The following PLCG2 variants were observed in gnomAD, a reference collection of about 807,000 sequenced individuals.
PLCG2 encodes 1-phosphatidylinositol 4,5-bisphosphate phosphodiesterase gamma-2.
A neutral mutation model predicts 175.6 loss-of-function variants in PLCG2; 69 were observed. That is an observed-to-expected ratio of 0.39 (90% CI 0.32 to 0.48). The LOEUF (loss-of-function observed/expected upper bound fraction) is 0.48. Ranked by LOEUF, PLCG2 falls within the 20% of genes least tolerant of loss-of-function variation. PLCG2 has a pLI of 0.91. For synonymous variants in PLCG2, 827 were observed against 624.0 expected, an observed-to-expected ratio of 1.33 and a Z score of -4.85; for missense variants, 1,798 against 1,650.9, an observed-to-expected ratio of 1.09 and a Z score of -1.54.
intron 20 of PLCG2, 72 bp downstream of exon 20, chr16:81,919,736 C>A: frequency 7.7e-7 from 1 of 1,304,444 alleles, no homozygotes; most frequent in Non-Finnish European, 1.1e-6. Flanking sequence ...TTCATGAATT[C>A]AGCAAACCTC....
intron 2 of PLCG2, among the ~76,000 whole-genome samples, chr16:81,849,380 A>G (rs894884560): frequency 1.3e-5 from 2 of 152,192 alleles, no homozygotes; most frequent in Non-Finnish European, 2.9e-5. Flanking sequence ...TTGCTGGAAG[A>G]CAATGTTACC....
Position 81,934,434 on chromosome 16 carries a change from C to G in PLCG2, c.2745C>G (p.Asn915Lys). ...EITWKIDTKE[N>K]NMKYWEKNQS... Reference sequence around the variant, plus strand: ...AGACAGTGAACTCCAAACAGGAGAACAACATGAAGTACTGGGAGAAGAACC... The same window carrying G: ...AGACAGTGAACTCCAAACAGGAGAAGAACATGAAGTACTGGGAGAAGAACC... The change falls in exon 26 of 33, where the codon AAC becomes AAG. Residue 915 changes from asparagine to lysine, a missense_variant. By Grantham distance (94) the Asn-to-Lys change is moderately conservative. Coordinates refer to ENST00000564138, the MANE Select transcript of PLCG2 (RefSeq NM_002661.5). 6.2e-7 allele frequency: 1 copy of G among 1,608,318 alleles called. No individual in the cohort carries two copies. The highest frequency in any genetic ancestry group is 8.5e-7 in the Non-Finnish European group (1 of 1,175,130).
intron 2 of PLCG2, among the ~76,000 whole-genome samples, chr16:81,765,180 A>T (rs1486391272): frequency 1.3e-5 from 2 of 152,260 alleles, no homozygotes; most frequent in Non-Finnish European, 2.9e-5. Context: ...AGATGATATG[A>T]AGGCAACACA....
At chr16:81,824,036 TTCCTTTCCTTTCCTG>T (rs1904931173) in intron 2 of PLCG2, among the ~76,000 whole-genome samples, 4 of 63,236 alleles carry the variant, frequency 6.3e-5, no homozygotes, top group South Asian at 6.0e-4. Context: ...TTCCTTTCCT[TTCCTTTCCTTTCCTG>T]TCCTGTCCTG....
chr16:81,880,802 C>A, intron 7 of PLCG2, 108 bp from the exon 8 acceptor site: 1 of 924,602 alleles, frequency 1.1e-6, no homozygotes, highest in Non-Finnish European at 1.7e-6. Context: ...TTTTAATGAT[C>A]TTGTTGCATC....
chr16:81,845,628 C>G (rs529379347), intron 2 of PLCG2, among the ~76,000 whole-genome samples: 36 of 152,204 alleles, frequency 2.4e-4, no homozygotes, highest in Non-Finnish European at 4.9e-4. Flanking sequence ...AATCTTGTTC[C>G]CAGCCTCGGG....
chr16:81,895,773 C>G (rs190029688), intron 12 of PLCG2, 34 bp from the exon 13 acceptor site: 2 of 1,613,064 alleles, frequency 1.2e-6, no homozygotes, highest in Admixed American at 1.7e-5. Flanking sequence ...AGTGAACACA[C>G]GTGGTATTGA....
At chr16:81,743,626 G>T (rs565531356) in intron 1 of PLCG2, among the ~76,000 whole-genome samples, 11 of 152,334 alleles carry the variant, frequency 7.2e-5, no homozygotes, top group African/African-American at 2.6e-4. Context: ...ATTGGAACTG[G>T]TGGGTTAGGA....
intron 21 of PLCG2, among the ~76,000 whole-genome samples, chr16:81,923,180 C>CCCTAAG (rs1407950458): frequency 1.3e-5 from 2 of 152,210 alleles, no homozygotes. Flanking sequence ...CCCACCCTAA[C>CCCTAAG]CCTAAGCCTA....
upstream of PLCG2, among the ~76,000 whole-genome samples, chr16:81,777,663 A>T (rs553027971): frequency 4.4e-4 from 67 of 152,246 alleles, no homozygotes; most frequent in Middle Eastern, 3.4e-3. Context: ...GAAGTCACAA[A>T]CGAGTCCTAT....
chr16:81,853,480 G>C (rs1390972165), intron 2 of PLCG2, among the ~76,000 whole-genome samples: 1 of 152,158 alleles, frequency 6.6e-6, no homozygotes, highest in Non-Finnish European at 1.5e-5. Flanking sequence ...GGGGGCAGTG[G>C]GGGGATTGCT....
At chr16:81,950,501 C>T (rs1365513537) in intron 31 of PLCG2, among the ~76,000 whole-genome samples, 2 of 152,100 alleles carry the variant, frequency 1.3e-5, no homozygotes, top group Non-Finnish European at 2.9e-5. Context: ...AAGAAATCAG[C>T]AAAGACATAA....
upstream of PLCG2, among the ~76,000 whole-genome samples, chr16:81,778,303 G>A (rs1209430404): frequency 5.9e-5 from 9 of 152,034 alleles, no homozygotes; most frequent in African/African-American, 1.9e-4. Context: ...CCCGGAGTTC[G>A]AGGATGTGGT....
chr16:81,801,131 C>G (rs980536482), intron 2 of PLCG2, among the ~76,000 whole-genome samples: 2 of 152,144 alleles, frequency 1.3e-5, no homozygotes, highest in Non-Finnish European at 2.9e-5. Context: ...TTGAGTAAAG[C>G]TATTATGCAT....
chr16:81,927,611 C>T (rs1246442978), intron 23 of PLCG2, among the ~76,000 whole-genome samples: 2 of 152,238 alleles, frequency 1.3e-5, no homozygotes, highest in East Asian at 1.9e-4. Context: ...GGTGGTTGTT[C>T]CCTCGCCGCC....
rs115813013 is a variant in PLCG2, at chr16:81,855,607, G to A, written c.337+1020G>A. Among the ~76,000 whole-genome samples the A allele has an allele frequency of 7.4e-3, 1,125 of 152,312 alleles. 14 individuals carry two copies. Among genetic ancestry groups the A allele is most frequent in the African/African-American group, 0.026 (1,060 of 41,558 alleles). On this transcript the variant is annotated intron_variant, in intron 3 of 32. Transcript: ENST00000564138. ...AGGAAGATGAATGGGACCTGGTGCC[G>A]CCTTTAAGAAGCTCTCAGTCGACTT...
At position 81,934,518 on chromosome 16, in the gene PLCG2, C is replaced by A. The variant is rs2143721549; in HGVS notation, c.2829C>A (p.Thr943=). 1 of 1,605,454 alleles carries A rather than the reference C, an allele frequency of 6.2e-7. No individual in the cohort carries two copies. Among genetic ancestry groups the A allele is most frequent in the Non-Finnish European group, 8.5e-7 (1 of 1,172,326 alleles). The change falls in exon 26 of 33, where the codon ACC becomes ACA. Residue 943 remains threonine (T), a synonymous_variant. Transcript: ENST00000564138. ...TCTACTGCAAACCAACCAGCAAAAC[C>A]AAGGACAACTTAGGTAACATCTTTC... ...LVVYCKPTSK[T]KDNLENPDFR...
intron 19 of PLCG2, among the ~76,000 whole-genome samples, chr16:81,917,537 C>T (rs550674575): frequency 6.6e-6 from 1 of 152,288 alleles, no homozygotes; most frequent in Non-Finnish European, 1.5e-5. Context: ...CCCCTTTTCT[C>T]CACATCCCCA....
chr16:81,891,363 T>G, intron 10 of PLCG2, 109 bp from the exon 11 acceptor site: 1 of 723,530 alleles, frequency 1.4e-6, no homozygotes, highest in Non-Finnish European at 2.6e-6. Context: ...GCCTGTTGAT[T>G]TCCCGCATCA....
Sources: allele counts gnomAD v4.1 joint callset (sites outside exome capture counted in the v4.1 genomes callset), GRCh38; gene constraint gnomAD v4.1.1; transcripts MANE v1.5; gene names NCBI Gene and HGNC (gene_info 2026-07-23, HGNC 2026-07-21).